The following CRACR2A variants were observed in gnomAD, a reference collection of about 807,000 sequenced individuals.
The protein encoded by CRACR2A is EF-hand calcium-binding domain-containing protein 4B.
Under a neutral mutation model 90.5 loss-of-function variants are expected in CRACR2A, and 79 were observed. The ratio of observed to expected loss-of-function variants is 0.87; its 90% confidence interval spans 0.73 to 1.05. The LOEUF is 1.05. Among genes scored for constraint, CRACR2A ranks in the 50% least tolerant of loss-of-function variants. The pLI is 0.00. For missense variants in CRACR2A, 823 were observed against 897.2 expected, an observed-to-expected ratio of 0.92 and a Z score of 1.06; for synonymous variants, 338 against 356.7, an observed-to-expected ratio of 0.95 and a Z score of 0.59.
intron 18 of CRACR2A, among the ~76,000 whole-genome samples, chr12:3,618,341 C>G (rs1867736339): frequency 1.3e-5 from 2 of 152,158 alleles, no homozygotes; most frequent in South Asian, 4.1e-4. Context: ...ATTACTATTT[C>G]TTCAGTGAAA....
Position 3,696,985 on chromosome 12 carries a change from G to T in CRACR2A, c.15C>A (p.Asp5Glu). 6.2e-7 allele frequency: 1 copy of T among 1,612,274 alleles called. No individual in the cohort carries two copies. Among genetic ancestry groups the T allele is most frequent in the Middle Eastern group, 1.7e-4 (1 of 6,060 alleles). MAAP[D>E]GRVVSRPQRL... ...TCTGGGGTCTGGAGACTACCCTCCC[G>T]TCAGGGGCAGCCATCGCGATTAGTC... Residue 5 changes from aspartate to glutamate, a missense_variant, in exon 4 of 20, where the codon GAC becomes GAA. Asp to Glu is a conservative substitution (Grantham distance 45). Transcript: ENST00000440314.
Position 3,696,994 on chromosome 12 carries a change from A to G in CRACR2A, c.6T>C (p.Ala2=). The change falls in exon 4 of 20, where the codon GCT becomes GCC. Residue 2 remains alanine, a synonymous_variant. Coordinates refer to ENST00000440314, the MANE Select transcript of CRACR2A (RefSeq NM_001144958.2). Reference sequence around the variant, plus strand: ...TGGAGACTACCCTCCCGTCAGGGGCAGCCATCGCGATTAGTCAGTTTCTTG... The same window carrying G: ...TGGAGACTACCCTCCCGTCAGGGGCGGCCATCGCGATTAGTCAGTTTCTTG... M[A]APDGRVVSRP... 6.2e-7 allele frequency: 1 copy of G among 1,610,704 alleles called. No individual in the cohort carries two copies. Among genetic ancestry groups the G allele is most frequent in the Non-Finnish European group, 8.5e-7 (1 of 1,178,308 alleles).
rs139345952 is a variant in CRACR2A at position 3,696,790 on chromosome 12, G to A, written c.210C>T (p.Ile70=). The A allele has an allele frequency of 7.2e-5, 116 of 1,614,170 alleles. No homozygotes were observed. The African/African-American group carries it at 1.2e-3, about 17-fold the overall frequency. ...CACTTACCTGCATATCCTTCCTGGC[G>A]ATGAAGCCCTTGCCTTCAGCATCAC... ...QTCDAEGKGF[I]ARKDMQRLHK... is the part of the protein sequence containing the mutation. Residue 70 remains isoleucine, a synonymous_variant, in exon 4 of 20, where the codon ATC becomes ATT. Transcript: ENST00000440314.
intron 1 of CRACR2A, among the ~76,000 whole-genome samples, chr12:3,745,099 T>C (rs958763025): frequency 2.6e-5 from 4 of 152,142 alleles, no homozygotes; most frequent in African/African-American, 9.7e-5. Flanking sequence ...TAGGGAAGGC[T>C]GTGTCCATGC....
intron 12 of CRACR2A, among the ~76,000 whole-genome samples, chr12:3,643,872 A>ATATATCATATATAT (rs1293099213): frequency 1.4e-5 from 1 of 70,594 alleles, no homozygotes; most frequent in Non-Finnish European, 2.4e-5. Flanking sequence ...TATATATATT[A>ATATATCATATATAT]TATATATTTA....
chr12:3,694,559 G>C (rs907753252), intron 4 of CRACR2A, among the ~76,000 whole-genome samples: 24 of 152,216 alleles, frequency 1.6e-4, no homozygotes, highest in Admixed American at 1.4e-3. Context: ...AGCCCCATGT[G>C]GAAGTGACAA....
intron 17 of CRACR2A, among the ~76,000 whole-genome samples, chr12:3,626,074 G>A (rs183012415): frequency 6.6e-5 from 10 of 152,310 alleles, no homozygotes; most frequent in South Asian, 6.2e-4. Flanking sequence ...TTGTAAGTGC[G>A]TCAGGCACAG....
intron 3 of CRACR2A, among the ~76,000 whole-genome samples, chr12:3,709,458 A>G (rs1197213413): frequency 1.3e-5 from 2 of 152,216 alleles, no homozygotes; most frequent in Admixed American, 6.5e-5. Context: ...CATGAATTCA[A>G]TCTTAAGTCT....
intron 17 of CRACR2A, among the ~76,000 whole-genome samples, chr12:3,624,812 G>A (rs2137292511): frequency 6.6e-6 from 1 of 152,370 alleles, no homozygotes; most frequent in Non-Finnish European, 1.5e-5. Context: ...CCGACCTGCT[G>A]AAGCAGAGAC....
chr12:3,710,746 T>C (rs929200423), intron 3 of CRACR2A, among the ~76,000 whole-genome samples: 5 of 151,222 alleles, frequency 3.3e-5, no homozygotes, highest in African/African-American at 1.2e-4. Flanking sequence ...TGAGCCAAGA[T>C]TGTGCCACTG....
intron 4 of CRACR2A, among the ~76,000 whole-genome samples, chr12:3,684,708 A>G (rs1252509823): frequency 6.6e-6 from 1 of 152,244 alleles, no homozygotes. Flanking sequence ...ATAACATGAG[A>G]AGGCCATCAC....
intron 15 of CRACR2A, among the ~76,000 whole-genome samples, chr12:3,630,060 G>A (rs1944352251): frequency 6.6e-6 from 1 of 152,152 alleles, no homozygotes; most frequent in Admixed American, 6.5e-5. Flanking sequence ...TGACCTTGAT[G>A]GCATTGCTGC....
At chr12:3,643,885 T>TATA (rs1944632333) in intron 12 of CRACR2A, among the ~76,000 whole-genome samples, 2 of 45,328 alleles carry the variant, frequency 4.4e-5, no homozygotes, top group Non-Finnish European at 8.0e-5. Flanking sequence ...TATATTTATA[T>TATA]TAATATATAA....
rs745368831 is a variant in CRACR2A at position 3,711,840 on chromosome 12, T to C, written c.-37+1397A>G. ...TTAGAGTTTAACATACAAGATGCTA[T>C]ACTGAGGTGGAATAAAAGGCCATCC... is the stretch of plus-strand genomic sequence containing the variant. On this transcript the variant is annotated intron_variant, in intron 3 of 19. Coordinates refer to ENST00000440314, the MANE Select transcript of CRACR2A (RefSeq NM_001144958.2). This position sits in a 1 kb window ranked among gnomAD's most constrained non-coding sequence, Gnocchi z 4.3. 6.6e-6 allele frequency among the ~76,000 whole-genome samples: 1 copy of C among 152,208 alleles called. No homozygotes were observed. The highest frequency in any genetic ancestry group is 2.4e-5 in the African/African-American group (1 of 41,454).
chr12:3,680,300 AAC>A lies in CRACR2A; in HGVS notation c.276_277del (p.Phe93Ter). 1 of 1,614,230 alleles carries A rather than the reference AAC, an allele frequency of 6.2e-7. No individual in the cohort carries two copies. The highest frequency in any genetic ancestry group is 1.6e-4 in the Middle Eastern group (1 of 6,062). On this transcript the variant is annotated frameshift_variant, in exon 5 of 20. Coordinates refer to ENST00000440314, the MANE Select transcript of CRACR2A (RefSeq NM_001144958.2). LOFTEE classifies it high-confidence loss of function. ...ATTGCCATCAGCATCCAGGGCATCA[AAC>A]ACATCCTCCAGTTCCTCCAGGCTGA...
rs1398525702 is a variant in CRACR2A at position 3,640,728 on chromosome 12, T to G, written c.1271+1004A>C. 3.1e-6 allele frequency: 4 copies of G among 1,305,272 alleles called. No homozygotes were observed. In the African/African-American group the frequency reaches 6.1e-5, roughly 20 times the overall value. The allele number at this position is 1,305,272 out of a possible 1,614,324, so 80.9% of individuals were successfully genotyped here. A position where few individuals can be genotyped will look rare whatever the true frequency, so the allele number is the denominator to read the frequency against. ...TTTCATGCTTGCAGTCTTCAAGGTC[T>G]CTCTGGGTCTGATACTGAAGAGTCG... On this transcript the variant is annotated intron_variant, in intron 13 of 19. Transcript: ENST00000440314.
At chr12:3,699,483 G>C (rs1945799323) in intron 3 of CRACR2A, among the ~76,000 whole-genome samples, 1 of 152,182 alleles carries the variant, frequency 6.6e-6, no homozygotes, top group South Asian at 2.1e-4. Flanking sequence ...AGATGTTTTA[G>C]ATTGAGTCCT....
At chr12:3,620,400 T>A (rs1460400001) in intron 17 of CRACR2A, among the ~76,000 whole-genome samples, 1 of 152,254 alleles carries the variant, frequency 6.6e-6, no homozygotes, top group Non-Finnish European at 1.5e-5. Context: ...GTTTTGCCAA[T>A]ACTTTAGCTG....
chr12:3,714,634 A>C (rs1946056759), intron 2 of CRACR2A, among the ~76,000 whole-genome samples: 1 of 152,218 alleles, frequency 6.6e-6, no homozygotes, highest in African/African-American at 2.4e-5. Context: ...TAACCTTAAG[A>C]GATGATTTTT....
Sources: gnomAD v4.1 joint callset for allele counts (sites outside exome capture counted in the v4.1 genomes callset) on GRCh38, gnomAD v4.1.1 for gene constraint, Gnocchi (gnomAD v3.1) non-coding constraint, MANE v1.5 for transcripts, NCBI Gene and HGNC (gene_info 2026-07-23, HGNC 2026-07-21) for gene names.